MKRN2: variants seen among roughly 807,000 people sequenced by gnomAD.
MKRN2 encodes makorin ring finger protein 2.
Under a neutral mutation model 45.4 loss-of-function variants are expected in MKRN2, and 32 were observed. The ratio of observed to expected loss-of-function variants is 0.70; its 90% CI spans 0.53 to 0.95. The LOEUF (loss-of-function observed/expected upper bound fraction) is 0.95. Among genes scored for constraint, MKRN2 ranks in the 40% least tolerant of loss-of-function variants. The pLI, the probability that MKRN2 is intolerant of heterozygous loss-of-function variation, is 0.00. For missense variants in MKRN2, 526 were observed against 536.7 expected (o/e 0.98, Z 0.20); for synonymous variants, 206 against 192.4 (o/e 1.07, Z -0.59).
chr3:12,564,931 ATGT>A (rs961589244), intron 1 of MKRN2, among the ~76,000 whole-genome samples: 11 of 152,210 alleles, frequency 7.2e-5, no homozygotes, highest in African/African-American at 2.4e-4. Context: ...AGGTTCACCC[ATGT>A]TGTAGTGTGT....
intron 1 of MKRN2, 60 bp from the exon 2 acceptor site, chr3:12,568,815 G>A: frequency 6.3e-7 from 1 of 1,581,930 alleles, no homozygotes; most frequent in East Asian, 2.2e-5. Context: ...TCAAGAATAA[G>A]CTGATTTTAT....
chr3:12,563,464 T>C (rs1395243480), intron 1 of MKRN2, among the ~76,000 whole-genome samples: 1 of 149,328 alleles, frequency 6.7e-6, no homozygotes, highest in Non-Finnish European at 1.5e-5. Context: ...TGCATACCAT[T>C]CCCTCCTGTT....
chr3:12,563,717 T>G, intron 1 of MKRN2, among the ~76,000 whole-genome samples: 1 of 42,148 alleles, frequency 2.4e-5, no homozygotes, highest in Non-Finnish European at 4.3e-5. Flanking sequence ...CTTGAACTCC[T>G]GACCTCATGA....
chr3:12,563,781 C>G (rs1230773396), intron 1 of MKRN2, among the ~76,000 whole-genome samples: 1 of 125,412 alleles, frequency 8.0e-6, no homozygotes, highest in Non-Finnish European at 1.6e-5. Context: ...AGCCACCACA[C>G]CCGGCCAGAA....
intron 7 of MKRN2, 25 bp from the exon 8 acceptor site, chr3:12,582,091 G>T (rs180827305): frequency 1.2e-6 from 2 of 1,614,154 alleles, no homozygotes; most frequent in Admixed American, 1.7e-5. Context: ...CAGTAACCAG[G>T]CATGTCCACT....
At chr3:12,560,406 C>T (rs2058026528) in intron 1 of MKRN2, among the ~76,000 whole-genome samples, 1 of 151,752 alleles carries the variant, frequency 6.6e-6, no homozygotes. Flanking sequence ...TGCTTCCTTC[C>T]CCCTCAGTGG....
At chr3:12,565,391 T>C (rs1414329831) in intron 1 of MKRN2, among the ~76,000 whole-genome samples, 1 of 152,194 alleles carries the variant, frequency 6.6e-6, no homozygotes, top group Non-Finnish European at 1.5e-5. Flanking sequence ...AAATTAATTG[T>C]TTCTGGCTAG....
chr3:12,570,248 C>T lies in MKRN2; in HGVS notation c.333C>T (p.Asp111=), dbSNP rs1452069059. Residue 111 remains aspartate, a synonymous_variant, in exon 3 of 8, where the codon GAC becomes GAT. Transcript: ENST00000170447. ...KREKRTLVLR[D]RNLSGMAERK... is the part of the protein sequence containing the mutation. ...AAAAGAGAACATTGGTTCTTAGAGA[C>T]CGAAGTGAGTAAGCGGAAGCCTTTT... 2.5e-6 allele frequency: 4 copies of T among 1,612,906 alleles called. No homozygotes were observed. The highest frequency in any genetic ancestry group is 3.4e-6 in the Non-Finnish European group (4 of 1,179,408).
In MKRN2 at chr3:12,570,170, C is replaced by T. The variant is rs546039504; in HGVS notation, c.255C>T (p.Ser85=). The change falls in exon 3 of 8, where the codon TCC becomes TCT. Residue 85 remains serine (S), a synonymous_variant. Coordinates refer to ENST00000170447, the MANE Select transcript of MKRN2 (RefSeq NM_014160.5). ...SPAFHSPHPP[S]EVTASIVKTN... is the part of the protein sequence containing the mutation. ...CTTTCCACAGTCCTCACCCTCCTTC[C>T]GAGGTCACTGCATCCATTGTGAAAA... 3.8e-5 allele frequency: 62 copies of T among 1,614,148 alleles called. No individual in the cohort carries two copies. Among genetic ancestry groups the T allele is most frequent in the South Asian group, 1.6e-4 (15 of 91,082 alleles).
chr3:12,562,482 TTC>T lies in MKRN2; in HGVS notation c.26+5308_26+5309del, dbSNP rs2058044180. ...AGTTTCTAACAAAAAGTTTCCCAGC[TTC>T]TGTTTGTGCTTTTTCTTTTTAAAAA... On this transcript the variant is annotated intron_variant, in intron 1 of 7. Coordinates refer to ENST00000170447, the MANE Select transcript of MKRN2 (RefSeq NM_014160.5). Among the ~76,000 whole-genome samples the T allele has an allele frequency of 3.3e-5, 5 of 152,328 alleles. No individual in the cohort carries two copies. The South Asian group carries it at 1.0e-3, about 32-fold the overall frequency.
At chr3:12,575,655 C>A (rs532403664) in intron 5 of MKRN2, among the ~76,000 whole-genome samples, 2 of 152,190 alleles carry the variant, frequency 1.3e-5, no homozygotes, top group Admixed American at 6.5e-5. Flanking sequence ...TGCCTAAAAT[C>A]GTGTGGTGAA....
At chr3:12,573,752 G>T (rs1257158818) in intron 4 of MKRN2, among the ~76,000 whole-genome samples, 1 of 152,078 alleles carries the variant, frequency 6.6e-6, no homozygotes, top group African/African-American at 2.4e-5. Context: ...AGTTAACTGG[G>T]TGTGGTGGCG....
intron 2 of MKRN2, 90 bp from the exon 3 acceptor site, chr3:12,569,981 C>T: frequency 8.0e-7 from 1 of 1,251,430 alleles, no homozygotes; most frequent in Non-Finnish European, 1.1e-6. Context: ...TCAACAAGTG[C>T]AGCAGAAGGA....
At chr3:12,578,613 A>G (rs1315783060) in intron 6 of MKRN2, among the ~76,000 whole-genome samples, 5 of 152,008 alleles carry the variant, frequency 3.3e-5, no homozygotes, top group Admixed American at 2.0e-4. Flanking sequence ...CACAAAAGCT[A>G]CCTTTTTTAA....
intron 1 of MKRN2, among the ~76,000 whole-genome samples, chr3:12,558,995 T>C (rs2058011028): frequency 1.3e-5 from 2 of 152,364 alleles, no homozygotes; most frequent in South Asian, 4.1e-4. Flanking sequence ...TCAAAGTTCA[T>C]GCCCTCATAG....
intron 1 of MKRN2, among the ~76,000 whole-genome samples, chr3:12,563,333 G>A (rs1466409874): frequency 1.3e-5 from 2 of 152,114 alleles, no homozygotes; most frequent in East Asian, 1.9e-4. Flanking sequence ...CTGCTTTTGG[G>A]GAGAGAAACA....
At chr3:12,580,992 A>C (rs1295474454) in intron 6 of MKRN2, among the ~76,000 whole-genome samples, 1 of 150,272 alleles carries the variant, frequency 6.7e-6, no homozygotes, top group Non-Finnish European at 1.5e-5. Context: ...GGCCCTCTGG[A>C]TTCTTGGGTA....
At chr3:12,574,650 A>G in intron 4 of MKRN2, 142 bp from the exon 5 acceptor site, 5 of 748,016 alleles carry the variant, frequency 6.7e-6, no homozygotes, top group Non-Finnish European at 1.1e-5. Context: ...GACTTGGGGG[A>G]GCCTGGGCCT....
chr3:12,573,514 A>G (rs2058112428), intron 4 of MKRN2, among the ~76,000 whole-genome samples: 1 of 143,238 alleles, frequency 7.0e-6, no homozygotes, highest in Non-Finnish European at 1.5e-5. Flanking sequence ...AGCCTGGGCA[A>G]TAAGAGTGAG....
Sources: allele counts gnomAD v4.1 joint callset (sites outside exome capture counted in the v4.1 genomes callset), GRCh38; gene constraint gnomAD v4.1.1; transcripts MANE v1.5; gene names NCBI Gene and HGNC (gene_info 2026-07-23, HGNC 2026-07-21).